Variants in CFAP46 observed in about 807,000 individuals in gnomAD.
CFAP46 encodes cilia and flagella associated protein 46, also known as cilia- and flagella-associated protein 46.
Under a neutral mutation model 325.7 loss-of-function variants are expected in CFAP46, and 245 were observed. The observed-to-expected ratio is 0.75, with a 90% CI of 0.68 to 0.84. The LOEUF (loss-of-function observed/expected upper bound fraction) is 0.84. Among genes scored for constraint, CFAP46 ranks in the 40% least tolerant of loss-of-function variants. The pLI, the probability that CFAP46 is intolerant of heterozygous loss-of-function variation, is 0.00. For synonymous variants in CFAP46, 1,523 were observed against 1,495.9 expected (o/e 1.02, Z -0.42); for missense variants, 3,346 against 3,543.0 (o/e 0.94, Z 1.41).
chr10:132,822,982 ATGTGTGCTGTG>A (rs1485838845), intron 50 of CFAP46, among the ~76,000 whole-genome samples: 2 of 88,370 alleles, frequency 2.3e-5, no homozygotes, highest in African/African-American at 4.9e-5. Context: ...GTGTGCAGTG[ATGTGTGCTGTG>A]TGTGTGCTGA....
At position 132,810,427 on chromosome 10, in the gene CFAP46, C is replaced by T. The variant is rs1468382309; in HGVS notation, c.7646G>A (p.Arg2549Gln). The T allele has an allele frequency of 3.1e-6, 5 of 1,613,340 alleles. No individual in the cohort carries two copies. The highest frequency in any genetic ancestry group is 2.7e-5 in the African/African-American group (2 of 74,922). The change falls in exon 57 of 58, where the codon CGA becomes CAA. Residue 2549 changes from arginine (R) to glutamine (Q), a missense_variant. By Grantham distance (43) the Arg-to-Gln change is conservative. Transcript: ENST00000368586. ...CCCTTACCTTGGTTCACCGCCTCGT[C>T]GCCACTCATCTTCTGAAGGAGACGC... ...NSASPSEDEW[R>Q]RGGEPRRGFS...
intron 17 of CFAP46, 74 bp from the exon 18 acceptor site, chr10:132,913,332 G>T: frequency 8.4e-7 from 1 of 1,188,660 alleles, no homozygotes; most frequent in Non-Finnish European, 1.2e-6. Flanking sequence ...AAGGCTGCGG[G>T]GCCTGTTAGG....
In CFAP46 at chr10:132,880,933, G is replaced by A. The variant is rs867826512; in HGVS notation, c.3727C>T (p.Arg1243Cys). 1.5e-5 allele frequency: 23 copies of A among 1,550,500 alleles called. No individual in the cohort carries two copies. The highest frequency in any genetic ancestry group is 9.5e-5 in the South Asian group (8 of 84,058). ...FPLEDVVFHLRWAVEILLAMK... is the reference protein window; with the variant it reads ...FPLEDVVFHLCWAVEILLAMK... ...GCCAGCAGGATCTCGACAGCCCAGC[G>A]GAGGTGGAAGACCACGTCCTCGAGA... The change falls in exon 28 of 58, where the codon CGC (arginine) becomes TGC (cysteine). Residue 1243 changes from arginine to cysteine, a missense_variant. Arg to Cys is a radical substitution (Grantham distance 180). Transcript: ENST00000368586.
In CFAP46 at chr10:132,808,691, G is replaced by A. The variant is rs995101538; in HGVS notation, c.7878C>T (p.Pro2626=). The A allele has an allele frequency of 6.4e-6, 10 of 1,571,212 alleles. No homozygotes were observed. Among genetic ancestry groups the A allele is most frequent in the African/African-American group, 2.7e-5 (2 of 73,740 alleles). ...GGAGAGCGAGCTGGGAGCTGGGGAT[G>A]GGAGCCGGGAGGTGGGGATGGGTTG... ...PLPTHPHLPA[P]IPSSQLALPF... The change falls in exon 58 of 58, where the codon CCC becomes CCT. Residue 2626 remains proline, a synonymous_variant. Transcript: ENST00000368586. This position sits in a 1 kb window ranked among gnomAD's most constrained non-coding sequence, Gnocchi z 6.8.
rs1290096553 is a variant in CFAP46, at chr10:132,851,202, T to C, written c.5678A>G (p.His1893Arg). 1 of 1,614,112 alleles carries C rather than the reference T, an allele frequency of 6.2e-7. No homozygotes were observed. Among genetic ancestry groups the C allele is most frequent in the Admixed American group, 1.7e-5 (1 of 60,018 alleles). Residue 1893 changes from histidine to arginine, a missense_variant, in exon 40 of 58, where the codon CAC (histidine) becomes CGC (arginine). By Grantham distance (29) the His-to-Arg change is conservative. Transcript: ENST00000368586. ...GGACCCCTGCTCACTCTGCTGCCCG[T>C]GGGCCTCCTCCCAGATGAACTGGAG... is the stretch of plus-strand genomic sequence containing the variant. ...DMLQFIWEEAHGQQSEQGSLE... is the reference protein window; with the variant it reads ...DMLQFIWEEARGQQSEQGSLE...
intron 10 of CFAP46, among the ~76,000 whole-genome samples, chr10:132,926,287 C>T (rs116318543): frequency 0.025 from 3,873 of 152,286 alleles, 76 homozygotes; most frequent in African/African-American, 0.05. Context: ...GGGGGCAGCT[C>T]CGTGGGGGCT....
chr10:132,846,262 G>C (rs12260141), intron 43 of CFAP46, 35 bp from the exon 44 acceptor site: 145,399 of 1,600,944 alleles, frequency 0.091, 7,011 homozygotes, highest in Non-Finnish European at 0.097. Context: ...CCAGGGGCCC[G>C]AGGCCTGGGC....
At chr10:132,873,919 A>G (rs1396360082) in intron 31 of CFAP46, among the ~76,000 whole-genome samples, 1 of 152,176 alleles carries the variant, frequency 6.6e-6, no homozygotes, top group Non-Finnish European at 1.5e-5. Flanking sequence ...GAAAAACACA[A>G]CCTATGAAAA....
chr10:132,882,925 G>A (rs1037015002), intron 27 of CFAP46, among the ~76,000 whole-genome samples: 1 of 152,176 alleles, frequency 6.6e-6, no homozygotes, highest in Non-Finnish European at 1.5e-5. Flanking sequence ...CAACAGAAGT[G>A]CGGGGCCAGC....
intron 17 of CFAP46, among the ~76,000 whole-genome samples, chr10:132,914,086 G>A (rs1420194335): frequency 1.5e-5 from 2 of 130,184 alleles, no homozygotes; most frequent in African/African-American, 6.1e-5. Context: ...CAGCCACACT[G>A]CACCCCGGCC....
In CFAP46 at chr10:132,859,082, C is replaced by T. The variant is rs982583160; in HGVS notation, c.5364G>A (p.Ala1788=). Residue 1788 remains alanine (A), a synonymous_variant, in exon 38 of 58, where the codon GCG becomes GCA. Transcript: ENST00000368586. ...ENCVDVKLER[A]KIKRLRAQNE... is the part of the protein sequence containing the mutation. Reference sequence around the variant, plus strand: ...GGAGGCAGCCTTACCTCTTGATCTTCGCACGCTCTAGTTTTACGTCAACAC... The same window carrying T: ...GGAGGCAGCCTTACCTCTTGATCTTTGCACGCTCTAGTTTTACGTCAACAC... The T allele has an allele frequency of 6.4e-6, 10 of 1,550,632 alleles. No individual in the cohort carries two copies. Among genetic ancestry groups the T allele is most frequent in the African/African-American group, 5.5e-5 (4 of 73,140 alleles).
intron 34 of CFAP46, among the ~76,000 whole-genome samples, chr10:132,866,884 A>C (rs1460756858): frequency 1.3e-5 from 2 of 152,364 alleles, no homozygotes; most frequent in East Asian, 3.9e-4. Context: ...AGGGAAACCC[A>C]GGTGGTGGGA....
chr10:132,864,372 C>T (rs1481006381), intron 35 of CFAP46, among the ~76,000 whole-genome samples: 5 of 123,738 alleles, frequency 4.0e-5, no homozygotes, highest in Non-Finnish European at 3.5e-5. Context: ...ACACCTGTCC[C>T]CAGTGCCTGA....
chr10:132,836,868 T>G lies in CFAP46; in HGVS notation c.6485A>C (p.Asn2162Thr), dbSNP rs777250426. The change falls in exon 45 of 58, where the codon AAT becomes ACT. Residue 2162 changes from asparagine (N) to threonine (T), a missense_variant. By Grantham distance (65) the Asn-to-Thr change is moderately conservative (BLOSUM62 0). Coordinates refer to ENST00000368586, the MANE Select transcript of CFAP46 (RefSeq NM_001200049.3). ...CVTEQHFNLLNEMPPTFWILF... is the reference protein window; with the variant it reads ...CVTEQHFNLLTEMPPTFWILF... Reference sequence around the variant, plus strand: ...GATCCAAAAGGTCGGAGGCATCTCATTCAAGAGGTTAAAATGCTGCTCAGT... The same window carrying G: ...GATCCAAAAGGTCGGAGGCATCTCAGTCAAGAGGTTAAAATGCTGCTCAGT... 2.5e-6 allele frequency: 4 copies of G among 1,613,918 alleles called. No homozygotes were observed. The highest frequency in any genetic ancestry group is 3.4e-6 in the Non-Finnish European group (4 of 1,180,008).
Position 132,877,283 on chromosome 10 carries a change from G to A in CFAP46, c.4213-322C>T, listed in dbSNP as rs916275221. Among the ~76,000 whole-genome samples, 12 of 152,104 alleles carry A rather than the reference G, an allele frequency of 7.9e-5. No homozygotes were observed. Among genetic ancestry groups the A allele is most frequent in the East Asian group, 1.9e-4 (1 of 5,176 alleles). On this transcript the variant is annotated intron_variant, in intron 30 of 57. Transcript: ENST00000368586. The surrounding 1 kb of genome is among the most constrained non-coding windows in gnomAD (Gnocchi z 5.7). ...CTGGCTGGTGAGCTCAGCAGTGCTC[G>A]TGCTGGGGTCCGGGTGTGAGCGTCC... is the stretch of plus-strand genomic sequence containing the variant.
chr10:132,942,505 C>T lies in CFAP46; in HGVS notation c.-21G>A. 7.9e-7 allele frequency: 1 copy of T among 1,270,698 alleles called. No homozygotes were observed. Among genetic ancestry groups the T allele is most frequent in the Non-Finnish European group, 9.9e-7 (1 of 1,009,784 alleles). The allele number at this position is 1,270,698 out of a possible 1,614,324, so 78.7% of individuals were successfully genotyped here. A position where few individuals can be genotyped will look rare whatever the true frequency, so the allele number is the denominator to read the frequency against. Reference sequence around the variant, plus strand: ...TCCATGGCGCCGGCGCCCTGCTCGTCCGCTCTCTCCGGGGTCCGCGGTGCG... The same window carrying T: ...TCCATGGCGCCGGCGCCCTGCTCGTTCGCTCTCTCCGGGGTCCGCGGTGCG... On this transcript the variant is annotated 5_prime_UTR_variant, in exon 1 of 58. Transcript: ENST00000368586.
chr10:132,834,683 TA>T lies in CFAP46; in HGVS notation c.6836del (p.Leu2279HisfsTer49). On this transcript the variant is annotated frameshift_variant, in exon 48 of 58. Coordinates refer to ENST00000368586, the MANE Select transcript of CFAP46 (RefSeq NM_001200049.3). LOFTEE classifies it high-confidence loss of function. ...LGPLEELLQP[L>X]FPLLSLSKAR... ...CCTTGGAGAGGCTGAGCAGGGGGAA[TA>T]GCGGCTGCAGAAGCTCCTCCAGGGG... The T allele has an allele frequency of 6.2e-7, 1 of 1,613,058 alleles. No homozygotes were observed. The highest frequency in any genetic ancestry group is 1.1e-5 in the South Asian group (1 of 91,004).
intron 28 of CFAP46, among the ~76,000 whole-genome samples, chr10:132,880,113 CATGT>C (rs1202345208): frequency 1.4e-5 from 2 of 144,328 alleles, no homozygotes; most frequent in African/African-American, 5.8e-5. Flanking sequence ...TGTGTGTGTG[CATGT>C]ATGTGTGTGT....
intron 50 of CFAP46, among the ~76,000 whole-genome samples, chr10:132,821,132 GA>G (rs1847805382): frequency 4.6e-5 from 6 of 130,926 alleles, no homozygotes; most frequent in Admixed American, 7.7e-5. Context: ...TGTGTGTGCT[GA>G]TGTGTGCTGT....
Sources: allele counts gnomAD v4.1 joint callset (sites outside exome capture counted in the v4.1 genomes callset), GRCh38; gene constraint gnomAD v4.1.1; non-coding constraint Gnocchi (gnomAD v3.1); transcripts MANE v1.5; gene names NCBI Gene and HGNC (gene_info 2026-07-23, HGNC 2026-07-21).